The following ACOXL variants were observed in gnomAD, a reference collection of about 807,000 sequenced individuals.
ACOXL encodes acyl-coenzyme A oxidase-like protein.
Under a neutral mutation model 71.9 loss-of-function variants are expected in ACOXL, and 70 were observed. The ratio of observed to expected loss-of-function variants is 0.97; its 90% CI spans 0.80 to 1.19. The LOEUF (loss-of-function observed/expected upper bound fraction) is 1.19. Among genes scored for constraint, ACOXL ranks in the 50% most tolerant of loss-of-function variants. The pLI is 0.00. For synonymous variants in ACOXL, 253 were observed against 281.6 expected (o/e 0.90, Z 1.02); for missense variants, 703 against 736.3 (o/e 0.95, Z 0.52).
intron 16 of ACOXL, among the ~76,000 whole-genome samples, chr2:111,085,063 C>T (rs188568708): frequency 8.5e-5 from 13 of 152,270 alleles, no homozygotes; most frequent in Admixed American, 8.5e-4. Flanking sequence ...AACACAGGAA[C>T]ACCCAGATTC....
intron 16 of ACOXL, among the ~76,000 whole-genome samples, chr2:111,061,473 C>T (rs1049847373): frequency 2.0e-5 from 3 of 151,822 alleles, no homozygotes; most frequent in African/African-American, 7.3e-5. Context: ...GCTTGATTAC[C>T]CAAATAAGTA....
rs536244729 is a variant in ACOXL, at chr2:111,032,656, G to T, written c.1369+942G>T. Reference sequence around the variant, plus strand: ...GCTGGCCCTGGGAGGGCTGGGTTTGGTCATACCACAGCTTGCATCTGGGGC... The same window carrying T: ...GCTGGCCCTGGGAGGGCTGGGTTTGTTCATACCACAGCTTGCATCTGGGGC... On this transcript the variant is annotated intron_variant, in intron 15 of 17. Coordinates refer to ENST00000439055, the MANE Select transcript of ACOXL (RefSeq NM_001142807.4). 4.6e-5 allele frequency among the ~76,000 whole-genome samples: 7 copies of T among 152,192 alleles called. No individual in the cohort carries two copies. In the South Asian group the frequency reaches 1.5e-3, roughly 32 times the overall value.
chr2:110,984,734 C>T (rs6723578), intron 12 of ACOXL, among the ~76,000 whole-genome samples: 3 of 152,044 alleles, frequency 2.0e-5, no homozygotes, highest in Non-Finnish European at 4.4e-5. Flanking sequence ...GTGGAAATAG[C>T]GGCAGAAGTT....
At chr2:111,109,721 C>T in intron 17 of ACOXL, among the ~76,000 whole-genome samples, 1 of 134,232 alleles carries the variant, frequency 7.4e-6, no homozygotes, top group East Asian at 2.2e-4. Context: ...CTCTTTCACC[C>T]AGGCTGGAGT....
At chr2:110,825,833 A>G (rs1239688109) in intron 9 of ACOXL, among the ~76,000 whole-genome samples, 1 of 152,136 alleles carries the variant, frequency 6.6e-6, no homozygotes, top group African/African-American at 2.4e-5. Context: ...ATCCTGAAAA[A>G]TATTCATTTA....
intron 11 of ACOXL, among the ~76,000 whole-genome samples, chr2:110,917,763 G>T (rs1029035912): frequency 1.3e-5 from 2 of 152,128 alleles, no homozygotes; most frequent in African/African-American, 2.4e-5. Context: ...ACCAATAATA[G>T]ACAAACAGAG....
chr2:111,017,523 A>T (rs1207367516), intron 14 of ACOXL, among the ~76,000 whole-genome samples: 1 of 152,178 alleles, frequency 6.6e-6, no homozygotes, highest in Non-Finnish European at 1.5e-5. Context: ...TTTATTGGGG[A>T]GGAGGCATTT....
At chr2:110,901,643 C>CAA (rs1491552444) in intron 10 of ACOXL, among the ~76,000 whole-genome samples, 11 of 7,782 alleles carry the variant, frequency 1.4e-3, no homozygotes, top group Non-Finnish European at 3.5e-3. Flanking sequence ...ATCTCTACGC[C>CAA]ACACACACAC....
chr2:110,785,908 G>C (rs555862746), intron 3 of ACOXL, among the ~76,000 whole-genome samples: 104 of 152,272 alleles, frequency 6.8e-4, no homozygotes, highest in African/African-American at 2.5e-3. Context: ...GGATCCTGTG[G>C]ACCCATATCC....
At chr2:110,981,282 C>G (rs181091242) in intron 12 of ACOXL, among the ~76,000 whole-genome samples, 2 of 152,168 alleles carry the variant, frequency 1.3e-5, no homozygotes, top group Non-Finnish European at 2.9e-5. Flanking sequence ...CGCTTGAACC[C>G]GGGAAGTGGA....
At chr2:110,970,469 A>G (rs2062134840) in intron 12 of ACOXL, among the ~76,000 whole-genome samples, 1 of 150,410 alleles carries the variant, frequency 6.6e-6, no homozygotes, top group African/African-American at 2.4e-5. Flanking sequence ...TCAGCAAACT[A>G]GGAAAGAAGG....
chr2:110,910,395 C>T (rs752306008), intron 11 of ACOXL, among the ~76,000 whole-genome samples: 2 of 152,188 alleles, frequency 1.3e-5, no homozygotes, highest in Non-Finnish European at 2.9e-5. Context: ...TGAATTGTTT[C>T]CAGGCTGTAG....
chr2:110,848,944 C>T (rs1196251804), intron 10 of ACOXL, among the ~76,000 whole-genome samples: 4 of 152,358 alleles, frequency 2.6e-5, no homozygotes, highest in Non-Finnish European at 4.4e-5. Context: ...GCTGCTGTCT[C>T]CTCACGCTGA....
At chr2:110,733,398 A>G (rs971484077) in intron 1 of ACOXL, among the ~76,000 whole-genome samples, 5 of 152,158 alleles carry the variant, frequency 3.3e-5, no homozygotes, top group African/African-American at 1.2e-4. Flanking sequence ...CTTGAGCTGC[A>G]CTGGAGATAG....
At chr2:110,966,419 G>T (rs1358872176) in intron 12 of ACOXL, among the ~76,000 whole-genome samples, 1 of 152,174 alleles carries the variant, frequency 6.6e-6, no homozygotes, top group Non-Finnish European at 1.5e-5. Context: ...GTGTGAGCAG[G>T]GACTAGTCAC....
chr2:111,061,379 A>C (rs1342040747), intron 16 of ACOXL, among the ~76,000 whole-genome samples: 1 of 152,198 alleles, frequency 6.6e-6, no homozygotes, highest in Admixed American at 6.5e-5. Context: ...AAGTGTTAGA[A>C]AAAAAGGAAC....
At chr2:111,028,624 A>G (rs2065124112) in intron 14 of ACOXL, among the ~76,000 whole-genome samples, 1 of 152,140 alleles carries the variant, frequency 6.6e-6, no homozygotes, top group Non-Finnish European at 1.5e-5. Flanking sequence ...GTTAGCTGAC[A>G]TTTTTTGTAG....
In ACOXL at chr2:111,117,778, G is replaced by T; in HGVS notation, c.1705G>T (p.Ala569Ser). ...APLQPRPREE[A>S]RSRRPKLGAK... ...GCTGCAGCCGCGGCCACGGGAAGAG[G>T]CGCGCTCCCGGCGGCCCAAGCTGGG... The change falls in exon 18 of 18, where the codon GCG (alanine) becomes TCG (serine). Residue 569 changes from alanine to serine, a missense_variant. By Grantham distance (99) the Ala-to-Ser change is moderately conservative (BLOSUM62 1). Transcript: ENST00000439055. The T allele has an allele frequency of 2.6e-6, 4 of 1,550,914 alleles. No homozygotes were observed. The highest frequency in any genetic ancestry group is 3.5e-6 in the Non-Finnish European group (4 of 1,146,744).
chr2:110,760,350 TAGAC>T (rs1454152480), intron 1 of ACOXL, among the ~76,000 whole-genome samples: 3 of 152,168 alleles, frequency 2.0e-5, no homozygotes, highest in Admixed American at 6.5e-5. Context: ...TTCACCGTGT[TAGAC>T]AGGATGGTCT....
Sources: allele counts gnomAD v4.1 joint callset (sites outside exome capture counted in the v4.1 genomes callset), GRCh38; gene constraint gnomAD v4.1.1; transcripts MANE v1.5; gene names NCBI Gene and HGNC (gene_info 2026-07-23, HGNC 2026-07-21).